NHSL1: variants seen among roughly 807,000 people sequenced by gnomAD.
NHSL1 encodes NHS-like protein 1.
In NHSL1, 48 loss-of-function variants were observed where a neutral mutation model predicts 95.0. That is an observed-to-expected ratio of 0.51 (90% CI 0.40 to 0.64). The LOEUF (loss-of-function observed/expected upper bound fraction) is 0.64, where lower values mean the gene tolerates loss of function less well. Ranked by LOEUF, NHSL1 falls within the 30% of genes least tolerant of loss-of-function variation. The pLI is 0.00. For synonymous variants in NHSL1, 783 were observed against 833.9 expected (o/e 0.94, Z 1.05); for missense variants, 1,971 against 2,077.7 (o/e 0.95, Z 1.00).
intron 1 of NHSL1, among the ~76,000 whole-genome samples, chr6:138,528,933 G>C (rs1782022329): frequency 6.6e-6 from 1 of 152,158 alleles, no homozygotes; most frequent in Non-Finnish European, 1.5e-5. Context: ...GGCGACATTA[G>C]AAAAACAGTG....
intron 1 of NHSL1, among the ~76,000 whole-genome samples, chr6:138,630,266 T>C (rs1784801527): frequency 6.6e-6 from 1 of 152,094 alleles, no homozygotes. Flanking sequence ...ACTACATACG[T>C]TGATTATTTT....
At chr6:138,509,156 A>T (rs559328398) in intron 1 of NHSL1, among the ~76,000 whole-genome samples, 2 of 152,364 alleles carry the variant, frequency 1.3e-5, no homozygotes, top group African/African-American at 4.8e-5. Context: ...TCAATCACTT[A>T]GAAATTAAAA....
chr6:138,455,934 T>A (rs1402291431), intron 3 of NHSL1, among the ~76,000 whole-genome samples: 2 of 152,180 alleles, frequency 1.3e-5, no homozygotes, highest in Non-Finnish European at 2.9e-5. Flanking sequence ...AAAACAGACA[T>A]TGTCTATTGA....
intron 1 of NHSL1, among the ~76,000 whole-genome samples, chr6:138,665,798 C>T (rs932872208): frequency 1.3e-5 from 2 of 152,070 alleles, no homozygotes; most frequent in African/African-American, 4.8e-5. Context: ...ATAATCCTAT[C>T]GCCCCTCTAA....
At chr6:138,545,255 T>C (rs984423328) in intron 1 of NHSL1, among the ~76,000 whole-genome samples, 2 of 152,128 alleles carry the variant, frequency 1.3e-5, no homozygotes, top group African/African-American at 4.8e-5. Context: ...TTCTAACCCT[T>C]ACATGAACAA....
chr6:138,549,398 A>G (rs965526235), upstream of NHSL1, among the ~76,000 whole-genome samples: 9 of 152,144 alleles, frequency 5.9e-5, no homozygotes, highest in African/African-American at 2.2e-4. Context: ...AAAGAGAGAG[A>G]GACAGAAAAG....
chr6:138,644,284 C>T (rs747391732), intron 1 of NHSL1, among the ~76,000 whole-genome samples: 1 of 152,176 alleles, frequency 6.6e-6, no homozygotes, highest in African/African-American at 2.4e-5. Flanking sequence ...AGGTCGGTCA[C>T]GAGGTCAGGA....
chr6:138,471,186 C>T (rs77027660), intron 3 of NHSL1, among the ~76,000 whole-genome samples: 27 of 152,172 alleles, frequency 1.8e-4, no homozygotes, highest in African/African-American at 6.3e-4. Flanking sequence ...TCATGGTAAG[C>T]AAAGAGCTAT....
At chr6:138,565,663 G>T (rs891277211) in intron 1 of NHSL1, among the ~76,000 whole-genome samples, 1 of 151,966 alleles carries the variant, frequency 6.6e-6, no homozygotes, top group African/African-American at 2.4e-5. Flanking sequence ...GGTGGCTCAG[G>T]CTTATAATCC....
intron 3 of NHSL1, among the ~76,000 whole-genome samples, chr6:138,458,482 CG>C: frequency 6.6e-6 from 1 of 151,952 alleles, no homozygotes; most frequent in South Asian, 2.1e-4. Flanking sequence ...ACTTGAGGTC[CG>C]GGGGTTCGAG....
intron 1 of NHSL1, among the ~76,000 whole-genome samples, chr6:138,663,254 A>ATG (rs2114738692): frequency 6.6e-6 from 1 of 152,188 alleles, no homozygotes; most frequent in Non-Finnish European, 1.5e-5. Context: ...GTCATTGTAT[A>ATG]TGTCTGTGTA....
At position 138,692,430 on chromosome 6, in the gene NHSL1, G is replaced by C. The variant is rs931986352; in HGVS notation, c.96+46C>G. On this transcript the variant is annotated intron_variant, in intron 1 of 3. Coordinates refer to the NHSL1 transcript ENST00000491526. This position sits in a 1 kb window ranked among gnomAD's most constrained non-coding sequence, Gnocchi z 4.0. The stretch of plus-strand genomic sequence containing the variant: ...GGGGCGGGCGGGAGCAGCTCTCCGG[G>C]TGCCTCCCCCGCCGGTTCCCCTCCC... 1 of 222,670 alleles carries C rather than the reference G, an allele frequency of 4.5e-6. No homozygotes were observed. The highest frequency in any genetic ancestry group is 8.8e-6 in the Non-Finnish European group (1 of 113,528). The allele number at this position is 222,670 out of a possible 1,614,324, so 13.8% of individuals were successfully genotyped here.
chr6:138,654,814 G>A (rs902131797), intron 1 of NHSL1, among the ~76,000 whole-genome samples: 7 of 152,214 alleles, frequency 4.6e-5, no homozygotes, highest in African/African-American at 1.2e-4. Context: ...AAGCTGTTAC[G>A]AGGTGGGGAA....
intron 1 of NHSL1, among the ~76,000 whole-genome samples, chr6:138,606,537 T>C (rs1784435873): frequency 6.6e-6 from 1 of 152,134 alleles, no homozygotes; most frequent in African/African-American, 2.4e-5. Flanking sequence ...AGGGCCCTTA[T>C]CACAGATCCA....
intron 1 of NHSL1, among the ~76,000 whole-genome samples, chr6:138,556,933 C>T (rs573635394): frequency 5.3e-5 from 8 of 152,158 alleles, no homozygotes; most frequent in African/African-American, 1.7e-4. Context: ...TTGGTGTCTA[C>T]ATATCAGATG....
At chr6:138,647,687 C>T (rs1448410492) in intron 1 of NHSL1, among the ~76,000 whole-genome samples, 3 of 151,532 alleles carry the variant, frequency 2.0e-5, no homozygotes, top group Admixed American at 6.6e-5. Flanking sequence ...CTGCAACCTC[C>T]ACCTCAGGGT....
intron 1 of NHSL1, among the ~76,000 whole-genome samples, chr6:138,586,897 A>C (rs542225522): frequency 1.3e-5 from 2 of 152,070 alleles, no homozygotes; most frequent in Non-Finnish European, 2.9e-5. Context: ...ATGGCTGAAC[A>C]TCAGAGCCAT....
At chr6:138,639,797 CAAAAAAAAAAAAAAA>C (rs56909767) in intron 1 of NHSL1, among the ~76,000 whole-genome samples, 2 of 22,586 alleles carry the variant, frequency 8.9e-5, no homozygotes, top group African/African-American at 1.2e-4. Context: ...GACTCAGTCT[CAAAAAAAAAAAAAAA>C]AAAAAAAAAA....
Position 138,677,386 on chromosome 6 carries a change from T to C in NHSL1, c.96+15090A>G, listed in dbSNP as rs182190072. ...CACCTCTCAGCTCTCTGGATGCTGT[T>C]TAAAGTTCTAGGAAAAGGGAAATCA... is the stretch of plus-strand genomic sequence containing the variant. On this transcript the variant is annotated intron_variant, in intron 1 of 3. Coordinates refer to the NHSL1 transcript ENST00000491526. Among the ~76,000 whole-genome samples the C allele has an allele frequency of 6.2e-4, 95 of 152,196 alleles. 2 individuals carry two copies. The East Asian group carries it at 0.011, about 17-fold the overall frequency.
Sources: allele counts gnomAD v4.1 joint callset (sites outside exome capture counted in the v4.1 genomes callset), GRCh38; gene constraint gnomAD v4.1.1; non-coding constraint Gnocchi (gnomAD v3.1); transcripts MANE v1.5; gene names NCBI Gene and HGNC (gene_info 2026-07-23, HGNC 2026-07-21).